The following PLCB1 variants were observed in gnomAD, a reference collection of about 807,000 sequenced individuals.
PLCB1 encodes the protein 1-phosphatidylinositol 4,5-bisphosphate phosphodiesterase beta-1.
A neutral mutation model predicts 161.8 loss-of-function variants in PLCB1; 46 were observed. The ratio of observed to expected loss-of-function variants is 0.28; its 90% confidence interval spans 0.22 to 0.36. PLCB1 has a LOEUF of 0.36. Ranked by LOEUF, PLCB1 falls within the 10% of genes least tolerant of loss-of-function variation. PLCB1 has a pLI of 1.00. For missense variants in PLCB1, 1,016 were observed against 1,472.5 expected (o/e 0.69, Z 5.07); for synonymous variants, 517 against 503.7 (o/e 1.03, Z -0.35).
rs1981777815 is a variant in PLCB1, at chr20:8,757,133, A to G, written c.2611A>G (p.Thr871Ala). ...TGGGGTGAATCACACTACAACCCTG[A>G]CACCCAAGCCACCCTCCCAGGCTCT... ...ENGVNHTTTL[T>A]PKPPSQALHS... Residue 871 changes from threonine to alanine, a missense_variant, in exon 24 of 32, where the codon ACA (threonine) becomes GCA (alanine). Thr to Ala is a moderately conservative substitution (Grantham distance 58). Around this residue, in one of 10 missense-constraint regions of PLCB1, gnomAD observed 398 missense variants for 445.4 expected, o/e 0.89. Coordinates refer to ENST00000338037, the MANE Select transcript of PLCB1 (RefSeq NM_015192.4). 6.2e-7 allele frequency: 1 copy of G among 1,613,110 alleles called. No homozygotes were observed. The highest frequency in any genetic ancestry group is 8.5e-7 in the Non-Finnish European group (1 of 1,179,334).
intron 3 of PLCB1, among the ~76,000 whole-genome samples, chr20:8,537,320 C>T (rs999619474): frequency 6.6e-6 from 1 of 152,096 alleles, no homozygotes; most frequent in Non-Finnish European, 1.5e-5. Context: ...GTCCCTTTTC[C>T]GGTGGAATGC....
At chr20:8,740,313 T>C (rs1160766679) in intron 21 of PLCB1, 31 bp from the exon 22 acceptor site, 2 of 1,148,188 alleles carry the variant, frequency 1.7e-6, no homozygotes, top group South Asian at 1.3e-5. Context: ...AAAGGAAATA[T>C]GTGCTACACA....
chr20:8,464,609 CTCAG>C lies in PLCB1; in HGVS notation c.246+93160_246+93163del, dbSNP rs1242553067. Among the ~76,000 whole-genome samples the C allele has an allele frequency of 8.5e-5, 13 of 152,288 alleles. No individual in the cohort carries two copies. The South Asian group carries it at 2.5e-3, about 29-fold the overall frequency. ...AGGCCAAGGTAAACAACCTGGATGA[CTCAG>C]CAGGTTTGTGGTACAAGTGCATAGT... On this transcript the variant is annotated intron_variant, in intron 3 of 31. Coordinates refer to ENST00000338037, the MANE Select transcript of PLCB1 (RefSeq NM_015192.4).
At chr20:8,692,166 C>G (rs1990493968) in intron 10 of PLCB1, among the ~76,000 whole-genome samples, 1 of 152,148 alleles carries the variant, frequency 6.6e-6, no homozygotes, top group Non-Finnish European at 1.5e-5. Flanking sequence ...ATTAAATTAT[C>G]TGACTGAATG....
At chr20:8,283,060 A>G (rs1399876597) in intron 2 of PLCB1, among the ~76,000 whole-genome samples, 1 of 152,130 alleles carries the variant, frequency 6.6e-6, no homozygotes, top group African/African-American at 2.4e-5. Context: ...CTGATCTAAG[A>G]TGGCTGCTTC....
chr20:8,535,764 T>A (rs1985025011), intron 3 of PLCB1, among the ~76,000 whole-genome samples: 1 of 152,076 alleles, frequency 6.6e-6, no homozygotes, highest in Non-Finnish European at 1.5e-5. Context: ...ACATGAAAAA[T>A]TATTTTGATA....
chr20:8,320,621 C>G (rs78282448), intron 2 of PLCB1, among the ~76,000 whole-genome samples: 1 of 152,252 alleles, frequency 6.6e-6, no homozygotes, highest in Non-Finnish European at 1.5e-5. Flanking sequence ...CTCAGGAAAA[C>G]CAAACCATGA....
intron 3 of PLCB1, among the ~76,000 whole-genome samples, chr20:8,519,968 T>C (rs1330003152): frequency 6.6e-6 from 1 of 152,168 alleles, no homozygotes; most frequent in Non-Finnish European, 1.5e-5. Flanking sequence ...TCAGGCTACT[T>C]AATGTAGTTT....
chr20:8,183,600 T>C lies in PLCB1; in HGVS notation c.177+33229T>C, dbSNP rs904428013. ...TTGAAATATACTAGAGAAGAAATTT[T>C]GTTTAGTTTTATAAGTGTGGCTTAC... is the stretch of plus-strand genomic sequence containing the variant. On this transcript the variant is annotated intron_variant, in intron 2 of 31. Transcript: ENST00000338037. Among the ~76,000 whole-genome samples the C allele has an allele frequency of 4.6e-5, 7 of 152,338 alleles. No homozygotes were observed. In the East Asian group the frequency reaches 5.8e-4, roughly 13 times the overall value.
chr20:8,543,703 T>C (rs995851559), intron 3 of PLCB1, among the ~76,000 whole-genome samples: 3 of 150,842 alleles, frequency 2.0e-5, no homozygotes, highest in African/African-American at 7.3e-5. Context: ...GTAGCTCCCG[T>C]AATCCCTGTG....
At chr20:8,133,062 C>G (rs1056744688) in intron 1 of PLCB1, among the ~76,000 whole-genome samples, 1 of 152,096 alleles carries the variant, frequency 6.6e-6, no homozygotes, top group African/African-American at 2.4e-5. Context: ...CCTGAGAGTT[C>G]GGAAAGTAGG....
intron 3 of PLCB1, among the ~76,000 whole-genome samples, chr20:8,622,053 G>GGA (rs1472124701): frequency 6.7e-6 from 1 of 148,338 alleles, no homozygotes; most frequent in African/African-American, 2.5e-5. Context: ...GTCAAGAGAT[G>GGA]GAGACCACCC....
chr20:8,429,843 T>C (rs1979958253), intron 3 of PLCB1, among the ~76,000 whole-genome samples: 1 of 152,052 alleles, frequency 6.6e-6, no homozygotes, highest in Non-Finnish European at 1.5e-5. Context: ...TGTTTATTAA[T>C]AAACCCTCAA....
intron 23 of PLCB1, among the ~76,000 whole-genome samples, chr20:8,755,047 A>G (rs1047359182): frequency 1.3e-5 from 2 of 152,188 alleles, no homozygotes; most frequent in African/African-American, 4.8e-5. Flanking sequence ...TGAGCTATAC[A>G]GGCTGCCCCG....
intron 23 of PLCB1, among the ~76,000 whole-genome samples, chr20:8,741,803 T>C (rs367598004): frequency 3.9e-5 from 6 of 152,346 alleles, no homozygotes; most frequent in African/African-American, 1.2e-4. Context: ...TATCTTGTGA[T>C]AAAATTAAAC....
chr20:8,543,868 T>A (rs1203920746), intron 3 of PLCB1, among the ~76,000 whole-genome samples: 1 of 152,172 alleles, frequency 6.6e-6, no homozygotes, highest in Non-Finnish European at 1.5e-5. Context: ...AAGAGGGACC[T>A]TCCACCATGA....
At chr20:8,617,417 C>T (rs1380465439) in intron 3 of PLCB1, among the ~76,000 whole-genome samples, 1 of 151,990 alleles carries the variant, frequency 6.6e-6, no homozygotes. Flanking sequence ...TCTTGTAGCT[C>T]TATGGTGAAA....
rs1469021690 is a variant in PLCB1, at chr20:8,371,319, G to T, written c.178-63G>T. The T allele has an allele frequency of 3.7e-6, 4 of 1,083,044 alleles. No individual in the cohort carries two copies. In the Admixed American group the frequency reaches 6.3e-5, roughly 17 times the overall value. The allele number at this position is 1,083,044 out of a possible 1,614,324, so 67.1% of individuals were successfully genotyped here. A position where few individuals can be genotyped will look rare whatever the true frequency, so the allele number is the denominator to read the frequency against. On this transcript the variant is annotated intron_variant, in intron 2 of 31. Transcript: ENST00000338037. ...GATAATTTTTTTAAGTGATGTCAATGACATAAAACAAAGAGGAAAGGTCTG... is the reference window on the plus strand; with the variant it reads ...GATAATTTTTTTAAGTGATGTCAATTACATAAAACAAAGAGGAAAGGTCTG...
chr20:8,450,359 G>T (rs1981016115), intron 3 of PLCB1, among the ~76,000 whole-genome samples: 1 of 151,978 alleles, frequency 6.6e-6, no homozygotes, highest in Non-Finnish European at 1.5e-5. Context: ...AATGAACAAA[G>T]CCATCACATA....
Sources: gnomAD v4.1 joint callset for allele counts (sites outside exome capture counted in the v4.1 genomes callset) on GRCh38, gnomAD v4.1.1 for gene constraint, gnomAD v4.1.1 regional missense constraint, MANE v1.5 for transcripts, NCBI Gene and HGNC (gene_info 2026-07-23, HGNC 2026-07-21) for gene names.